PLXNA2: variants seen among roughly 807,000 people sequenced by gnomAD.
PLXNA2 encodes plexin A2.
A neutral mutation model predicts 193.5 loss-of-function variants in PLXNA2; 91 were observed. The ratio of observed to expected loss-of-function variants is 0.47; its 90% CI spans 0.40 to 0.56. PLXNA2 has a LOEUF of 0.56. Ranked by LOEUF, PLXNA2 falls within the 20% of genes least tolerant of loss-of-function variation. The probability of loss-of-function intolerance (pLI) is 0.00; values close to 1 mark genes in which losing one functional copy is unlikely to be tolerated. For synonymous variants in PLXNA2, 997 were observed against 1,027.3 expected, an observed-to-expected ratio of 0.97 and a Z score of 0.56; for missense variants, 1,995 against 2,503.2, an observed-to-expected ratio of 0.80 and a Z score of 4.33.
rs552672582 is a variant in PLXNA2 at position 208,112,732 on chromosome 1, T to C, written c.1507-9485A>G. On this transcript the variant is annotated intron_variant, in intron 4 of 31. Transcript: ENST00000367033. ...TTTGCATGAAGAGCCATCCAGCCCC[T>C]GTAACTGCCGTCTTTATTAAATAAT... Among the ~76,000 whole-genome samples the C allele has an allele frequency of 3.9e-5, 6 of 152,260 alleles. No individual in the cohort carries two copies. In the East Asian group the frequency reaches 1.2e-3, roughly 29 times the overall value.
At chr1:208,228,380 G>C (rs546796381) in intron 1 of PLXNA2, among the ~76,000 whole-genome samples, 18 of 152,306 alleles carry the variant, frequency 1.2e-4, no homozygotes, top group South Asian at 8.3e-4. Context: ...CTCTTCACCA[G>C]GAATCCTCGT....
intron 9 of PLXNA2, among the ~76,000 whole-genome samples, chr1:208,090,634 C>T (rs1209840705): frequency 1.3e-5 from 2 of 152,110 alleles, no homozygotes; most frequent in African/African-American, 2.4e-5. Context: ...AGCTGCAGGT[C>T]GCTTTCAGGC....
At position 208,236,425 on chromosome 1, in the gene PLXNA2, T is replaced by C. The variant is rs1234084673; in HGVS notation, c.-81+7218A>G. ...CCTCTTGCCACTTCTGTCTGCCCGC[T>C]GGTCCTGCTGCCTCTATAAGGCAAG... On this transcript the variant is annotated intron_variant, in intron 1 of 31. Transcript: ENST00000367033. The surrounding 1 kb of genome is among the most constrained non-coding windows in gnomAD (Gnocchi z 4.4). Among the ~76,000 whole-genome samples the C allele has an allele frequency of 6.6e-6, 1 of 152,172 alleles. No homozygotes were observed. The highest frequency in any genetic ancestry group is 1.5e-5 in the Non-Finnish European group (1 of 68,022).
chr1:208,190,022 C>T (rs1670127759), intron 3 of PLXNA2, among the ~76,000 whole-genome samples: 2 of 152,166 alleles, frequency 1.3e-5, no homozygotes, highest in Admixed American at 6.5e-5. Flanking sequence ...AGGGTGGAAT[C>T]TCAAGCTAAA....
intron 3 of PLXNA2, among the ~76,000 whole-genome samples, chr1:208,173,705 T>C (rs962999750): frequency 6.6e-5 from 10 of 152,232 alleles, no homozygotes; most frequent in African/African-American, 2.4e-4. Context: ...GCTGAGCCTG[T>C]CTCAAGGGTG....
At chr1:208,194,113 C>T (rs1338917404) in intron 3 of PLXNA2, among the ~76,000 whole-genome samples, 5 of 151,900 alleles carry the variant, frequency 3.3e-5, no homozygotes, top group Non-Finnish European at 1.5e-5. Flanking sequence ...GCCTATCCCT[C>T]AGCCAAGGAA....
chr1:208,137,385 T>C (rs939434950), intron 4 of PLXNA2, among the ~76,000 whole-genome samples: 4 of 152,264 alleles, frequency 2.6e-5, no homozygotes, highest in African/African-American at 9.6e-5. Flanking sequence ...ACTCCTTTTC[T>C]AGGAGTGGCC....
At chr1:208,136,882 C>T (rs1183279928) in intron 4 of PLXNA2, among the ~76,000 whole-genome samples, 1 of 152,128 alleles carries the variant, frequency 6.6e-6, no homozygotes, top group Non-Finnish European at 1.5e-5. Context: ...TAATAATTAC[C>T]ACCACCTTTT....
intron 3 of PLXNA2, among the ~76,000 whole-genome samples, chr1:208,164,755 T>G (rs1254895409): frequency 6.6e-6 from 1 of 152,174 alleles, no homozygotes; most frequent in Admixed American, 6.5e-5. Context: ...TGGGCGTCAG[T>G]CCGGCAGCGG....
At chr1:208,036,662 G>A (rs1387225033) in intron 26 of PLXNA2, among the ~76,000 whole-genome samples, 1 of 152,212 alleles carries the variant, frequency 6.6e-6, no homozygotes, top group Admixed American at 6.5e-5. Flanking sequence ...CCAAAGGGAA[G>A]AATACTCCCT....
At chr1:208,060,230 C>T (rs1395094179) in intron 13 of PLXNA2, among the ~76,000 whole-genome samples, 1 of 152,198 alleles carries the variant, frequency 6.6e-6, no homozygotes, top group Non-Finnish European at 1.5e-5. Context: ...TTCTAATTTC[C>T]AGCTGACATT....
At position 208,034,405 on chromosome 1, in the gene PLXNA2, C is replaced by G. The variant is rs1160642365; in HGVS notation, c.4864+88G>C. On this transcript the variant is annotated intron_variant, in intron 27 of 31. Transcript: ENST00000367033. ...ATTGGGCCAGCAGCAGCAAGGGCTG[C>G]CTGCTGTTAGAAGGGGTAGCGAGTG... 3 of 825,754 alleles carry G rather than the reference C, an allele frequency of 3.6e-6. No homozygotes were observed. In the East Asian group the frequency reaches 7.5e-5, roughly 21 times the overall value. The allele number at this position is 825,754 out of a possible 1,614,324, so 51.2% of individuals were successfully genotyped here.
chr1:208,198,483 A>G (rs1670430834), intron 3 of PLXNA2, among the ~76,000 whole-genome samples: 1 of 152,218 alleles, frequency 6.6e-6, no homozygotes, highest in African/African-American at 2.4e-5. Flanking sequence ...ACAGCAAACA[A>G]TGATGCCTGG....
chr1:208,157,621 A>C (rs1668976183), intron 3 of PLXNA2, among the ~76,000 whole-genome samples: 1 of 152,196 alleles, frequency 6.6e-6, no homozygotes. Flanking sequence ...CAAAATGGAA[A>C]GCCAGTGGTT....
chr1:208,078,752 C>T (rs980003003), intron 12 of PLXNA2, among the ~76,000 whole-genome samples: 2 of 152,136 alleles, frequency 1.3e-5, no homozygotes, highest in African/African-American at 4.8e-5. Flanking sequence ...CTTTTCTTTC[C>T]ATTAAAATGC....
At chr1:208,035,208 GC>G (rs1472407298) in intron 26 of PLXNA2, among the ~76,000 whole-genome samples, 1 of 152,116 alleles carries the variant, frequency 6.6e-6, no homozygotes, top group African/African-American at 2.4e-5. Flanking sequence ...GGGAGGCTAA[GC>G]AACCTCTTAA....
In PLXNA2 at chr1:208,200,119, C is replaced by T. The variant is rs138518368; in HGVS notation, c.1371+10161G>A. ...TAGCTGGGGGACACTCAGCCTTTGC[C>T]ATAGAAACCATAACACAGGGTAGGA... On this transcript the variant is annotated intron_variant, in intron 3 of 31. Transcript: ENST00000367033. 3.5e-3 allele frequency among the ~76,000 whole-genome samples: 534 copies of T among 152,306 alleles called. 1 individual carries two copies. The highest frequency in any genetic ancestry group is 6.0e-3 in the Non-Finnish European group (410 of 68,034).
intron 3 of PLXNA2, among the ~76,000 whole-genome samples, chr1:208,201,735 T>C (rs776330783): frequency 6.6e-5 from 10 of 151,936 alleles, no homozygotes; most frequent in Non-Finnish European, 1.5e-4. Context: ...TGCTTATTAC[T>C]ACCCCACTCC....
intron 13 of PLXNA2, among the ~76,000 whole-genome samples, chr1:208,058,743 G>A (rs902658875): frequency 6.6e-6 from 1 of 152,168 alleles, no homozygotes; most frequent in African/African-American, 2.4e-5. Context: ...ACAGCCTCAC[G>A]TGCAGCTTCT....
Sources: gnomAD v4.1 joint callset for allele counts (sites outside exome capture counted in the v4.1 genomes callset) on GRCh38, gnomAD v4.1.1 for gene constraint, Gnocchi (gnomAD v3.1) non-coding constraint, MANE v1.5 for transcripts, NCBI Gene and HGNC (gene_info 2026-07-23, HGNC 2026-07-21) for gene names.